Variants in IMMP2L observed in about 807,000 individuals in gnomAD.
The protein encoded by IMMP2L is inner mitochondrial membrane peptidase subunit 2, also known as mitochondrial inner membrane protease subunit 2.
In IMMP2L, 18 loss-of-function variants were observed where a neutral mutation model predicts 19.3. That is an observed-to-expected ratio of 0.93 (90% CI 0.64 to 1.38). The LOEUF (loss-of-function observed/expected upper bound fraction) is 1.38. IMMP2L is among the 40% of genes most tolerant of loss of function. IMMP2L has a pLI of 0.00. For missense variants in IMMP2L, 233 were observed against 218.2 expected (o/e 1.07, Z -0.43); for synonymous variants, 76 against 73.0 (o/e 1.04, Z -0.21).
At chr7:110,753,298 A>G (rs1447271748) in intron 5 of IMMP2L, among the ~76,000 whole-genome samples, 1 of 152,036 alleles carries the variant, frequency 6.6e-6, no homozygotes, top group African/African-American at 2.4e-5. Flanking sequence ...TAGATATTAG[A>G]AAAGGGAATA....
At chr7:111,330,836 C>T (rs530952211) in intron 3 of IMMP2L, among the ~76,000 whole-genome samples, 35 of 151,882 alleles carry the variant, frequency 2.3e-4, no homozygotes, top group African/African-American at 7.5e-4. Context: ...TGTTCAACAT[C>T]GCTAATCATT....
intron 4 of IMMP2L, among the ~76,000 whole-genome samples, chr7:110,934,844 G>C (rs1049853702): frequency 2.0e-5 from 3 of 152,050 alleles, no homozygotes; most frequent in Non-Finnish European, 4.4e-5. Flanking sequence ...CTTTCCATTT[G>C]CTTGGTAAAT....
rs1175715018 is a variant in IMMP2L at position 110,662,915 on chromosome 7, A to G, written c.*687T>C. ...AGAAATGTTGGATTACAAAGGGCCA[A>G]TAAGAAAGGCTTGACTGTATGCAAG... On this transcript the variant is annotated 3_prime_UTR_variant, in exon 6 of 6. Transcript: ENST00000405709. The G allele has an allele frequency of 6.6e-6, 1 of 152,282 alleles. No homozygotes were observed. The highest frequency in any genetic ancestry group is 1.5e-5 in the Non-Finnish European group (1 of 68,070). 9.4% of individuals were successfully genotyped at this position (152,282 alleles called of 1,614,324 possible). A position where few individuals can be genotyped will look rare whatever the true frequency, so the allele number is the denominator to read the frequency against.
intron 3 of IMMP2L, among the ~76,000 whole-genome samples, chr7:111,112,289 A>G (rs1039797619): frequency 6.6e-6 from 1 of 152,118 alleles, no homozygotes; most frequent in African/African-American, 2.4e-5. Context: ...TTTAACCTGC[A>G]TATAGTGCCT....
chr7:111,008,741 T>C lies in IMMP2L; in HGVS notation c.240-45176A>G, dbSNP rs547842921. 8.5e-5 allele frequency among the ~76,000 whole-genome samples: 13 copies of C among 152,094 alleles called. No homozygotes were observed. The East Asian group carries it at 1.5e-3, about 18-fold the overall frequency. On this transcript the variant is annotated intron_variant, in intron 3 of 5. Transcript: ENST00000405709. The stretch of plus-strand genomic sequence containing the variant: ...AGTGCCTAGAATACTATGTGGCACA[T>C]AGTCGACACTCAAAACTATTTGTTG...
intron 3 of IMMP2L, among the ~76,000 whole-genome samples, chr7:111,147,291 T>C (rs766035292): frequency 6.6e-6 from 1 of 152,130 alleles, no homozygotes; most frequent in Non-Finnish European, 1.5e-5. Context: ...TCCTCAAATA[T>C]CTTGTGATTG....
intron 3 of IMMP2L, among the ~76,000 whole-genome samples, chr7:111,128,520 CT>C (rs1432971633): frequency 2.0e-5 from 3 of 152,108 alleles, no homozygotes; most frequent in African/African-American, 7.2e-5. Flanking sequence ...ATTCTTTAGA[CT>C]GGCTAAATTA....
At chr7:111,298,440 T>C (rs963246472) in intron 3 of IMMP2L, among the ~76,000 whole-genome samples, 1 of 152,062 alleles carries the variant, frequency 6.6e-6, no homozygotes, top group Non-Finnish European at 1.5e-5. Flanking sequence ...ATGTAAGTAT[T>C]TGTTAAAAAT....
intron 3 of IMMP2L, among the ~76,000 whole-genome samples, chr7:111,366,286 A>C (rs2131045167): frequency 6.6e-6 from 1 of 151,770 alleles, no homozygotes; most frequent in South Asian, 2.1e-4. Context: ...TCTGAACTTA[A>C]CTCATGAGAA....
intron 5 of IMMP2L, among the ~76,000 whole-genome samples, chr7:110,821,201 A>C (rs1802997220): frequency 1.3e-5 from 2 of 152,134 alleles, no homozygotes; most frequent in African/African-American, 2.4e-5. Context: ...CTGTCTTATA[A>C]AAAAGGTTAA....
chr7:111,208,680 T>C (rs1810980586), intron 3 of IMMP2L, among the ~76,000 whole-genome samples: 1 of 152,168 alleles, frequency 6.6e-6, no homozygotes, highest in African/African-American at 2.4e-5. Context: ...GTAGGTAGTT[T>C]AGAGTACACA....
intron 3 of IMMP2L, among the ~76,000 whole-genome samples, chr7:111,043,176 T>A (rs1420228596): frequency 6.6e-6 from 1 of 152,174 alleles, no homozygotes; most frequent in Non-Finnish European, 1.5e-5. Context: ...ATCCGTTATA[T>A]CCTCCTTTAA....
intron 4 of IMMP2L, among the ~76,000 whole-genome samples, chr7:110,898,827 A>C (rs2129546972): frequency 6.7e-6 from 1 of 148,880 alleles, no homozygotes; most frequent in East Asian, 2.0e-4. Context: ...TTTTTTAAAT[A>C]AAGAACTTAG....
intron 5 of IMMP2L, among the ~76,000 whole-genome samples, chr7:110,730,264 A>G (rs10244863): frequency 0.097 from 14,693 of 152,144 alleles, 1,444 homozygotes; most frequent in African/African-American, 0.26. Flanking sequence ...CCAGCTAATC[A>G]GCTGCCAACG....
chr7:110,970,839 C>G (rs1820068939), intron 3 of IMMP2L, among the ~76,000 whole-genome samples: 1 of 152,080 alleles, frequency 6.6e-6, no homozygotes, highest in Non-Finnish European at 1.5e-5. Context: ...AACTGCTCTT[C>G]CAAGGAATAA....
At chr7:111,531,682 G>C (rs879296389) in intron 1 of IMMP2L, among the ~76,000 whole-genome samples, 6 of 152,016 alleles carry the variant, frequency 3.9e-5, no homozygotes, top group Admixed American at 2.6e-4. Flanking sequence ...CAATTTAATA[G>C]AAAAGCATAA....
intron 3 of IMMP2L, among the ~76,000 whole-genome samples, chr7:111,110,220 TAGACATGA>T (rs1364551268): frequency 6.6e-6 from 1 of 152,208 alleles, no homozygotes; most frequent in Non-Finnish European, 1.5e-5. Flanking sequence ...TCATGGATAT[TAGACATGA>T]AGACATCATT....
chr7:111,084,300 T>TA (rs56331509), intron 3 of IMMP2L, among the ~76,000 whole-genome samples: 2,898 of 128,902 alleles, frequency 0.022, 43 homozygotes, highest in African/African-American at 0.04. Flanking sequence ...GAAATAAAAT[T>TA]AAAAAAAAAA....
intron 5 of IMMP2L, among the ~76,000 whole-genome samples, chr7:110,831,565 A>C (rs1161084576): frequency 1.3e-5 from 2 of 152,204 alleles, no homozygotes; most frequent in African/African-American, 4.8e-5. Context: ...TTTAGCCAAA[A>C]GACACAAGCA....
Sources: gnomAD v4.1 joint callset for allele counts (sites outside exome capture counted in the v4.1 genomes callset) on GRCh38, gnomAD v4.1.1 for gene constraint, MANE v1.5 for transcripts, NCBI Gene and HGNC (gene_info 2026-07-23, HGNC 2026-07-21) for gene names.